CHST8: variants seen among roughly 807,000 people sequenced by gnomAD.
CHST8 encodes GALNAC-4-ST1.
A neutral mutation model predicts 15.0 loss-of-function variants in CHST8; 10 were observed. That is an observed-to-expected ratio of 0.67 (90% confidence interval 0.41 to 1.13). The LOEUF (loss-of-function observed/expected upper bound fraction) is 1.13, where lower values mean the gene tolerates loss of function less well. CHST8 is among the 50% of genes most tolerant of loss of function. CHST8 has a pLI of 0.00. For missense variants in CHST8, 634 were observed against 608.2 expected, an observed-to-expected ratio of 1.04 and a Z score of -0.45; for synonymous variants, 259 against 256.6, an observed-to-expected ratio of 1.01 and a Z score of -0.09.
intron 3 of CHST8, among the ~76,000 whole-genome samples, chr19:33,705,096 G>A (rs751913641): frequency 6.6e-6 from 1 of 152,116 alleles, no homozygotes; most frequent in Non-Finnish European, 1.5e-5. Context: ...CCGTAGGGCT[G>A]AGACCTGCCC....
chr19:33,769,475 G>C (rs531905906), intron 3 of CHST8, among the ~76,000 whole-genome samples: 1 of 152,322 alleles, frequency 6.6e-6, no homozygotes, highest in East Asian at 1.9e-4. Context: ...ATCTGGCAGA[G>C]TAGAGGAAAA....
intron 1 of CHST8, among the ~76,000 whole-genome samples, chr19:33,659,490 G>A (rs551477979): frequency 1.3e-5 from 2 of 152,158 alleles, no homozygotes; most frequent in Admixed American, 1.3e-4. Context: ...GCCAGATTTT[G>A]TCTGTTGAAT....
intron 3 of CHST8, among the ~76,000 whole-genome samples, chr19:33,695,821 CTTTTT>C (rs55695414): frequency 2.6e-5 from 2 of 76,240 alleles, no homozygotes; most frequent in African/African-American, 6.2e-5. Flanking sequence ...TTCTTTCTTT[CTTTTT>C]TTTTTTTTTT....
At chr19:33,651,951 A>G (rs1972454076) in intron 1 of CHST8, among the ~76,000 whole-genome samples, 1 of 151,962 alleles carries the variant, frequency 6.6e-6, no homozygotes, top group Admixed American at 6.6e-5. Flanking sequence ...TATCTTCTAT[A>G]TTCTTAATTT....
intron 1 of CHST8, among the ~76,000 whole-genome samples, chr19:33,644,436 A>G (rs183520687): frequency 2.0e-5 from 3 of 152,164 alleles, no homozygotes; most frequent in Admixed American, 6.5e-5. Context: ...GAACACTAAT[A>G]TACTTAAGTA....
At chr19:33,701,668 CA>C (rs67615616) in intron 3 of CHST8, among the ~76,000 whole-genome samples, 32,772 of 152,120 alleles carry the variant, frequency 0.22, 3,769 homozygotes, top group African/African-American at 0.3. Context: ...CGCAGAGCTC[CA>C]ACGCACGTGT....
intron 2 of CHST8, among the ~76,000 whole-genome samples, chr19:33,687,480 A>G (rs1484299718): frequency 6.6e-6 from 1 of 151,920 alleles, no homozygotes; most frequent in African/African-American, 2.4e-5. Context: ...CCAGCCTGAC[A>G]CCCCGGAGCC....
chr19:33,701,224 G>T (rs958885860), intron 3 of CHST8, among the ~76,000 whole-genome samples: 3 of 152,096 alleles, frequency 2.0e-5, no homozygotes, highest in Non-Finnish European at 4.4e-5. Context: ...GCCATCCTGT[G>T]TCTTCCCAGT....
At chr19:33,670,568 C>T (rs1210619344) in intron 2 of CHST8, among the ~76,000 whole-genome samples, 2 of 152,242 alleles carry the variant, frequency 1.3e-5, no homozygotes, top group Non-Finnish European at 2.9e-5. Context: ...ATCGGCTGCT[C>T]ATTTTCCCTT....
chr19:33,634,677 C>CAAAAAA (rs3040761), intron 1 of CHST8, among the ~76,000 whole-genome samples: 13 of 52,296 alleles, frequency 2.5e-4, no homozygotes, highest in Non-Finnish European at 2.7e-4. Flanking sequence ...GTCACGAAAC[C>CAAAAAA]AAAAAAAAAA....
chr19:33,680,823 A>G (rs964585707), intron 2 of CHST8, among the ~76,000 whole-genome samples: 7 of 152,196 alleles, frequency 4.6e-5, no homozygotes, highest in African/African-American at 1.4e-4. Context: ...ACAACATTAG[A>G]ATTGGCTTCC....
At chr19:33,723,966 C>T (rs143058905) in intron 3 of CHST8, among the ~76,000 whole-genome samples, 2,869 of 152,244 alleles carry the variant, frequency 0.019, 35 homozygotes, top group Non-Finnish European at 0.027. Flanking sequence ...CTTCCCGTGG[C>T]GAAGGGGTGC....
chr19:33,701,927 C>G (rs181042019), intron 3 of CHST8, among the ~76,000 whole-genome samples: 177 of 152,270 alleles, frequency 1.2e-3, no homozygotes, highest in Admixed American at 2.6e-3. Flanking sequence ...CTGTGCTCCC[C>G]CTTCTCTGTC....
chr19:33,740,975 G>T (rs1974176358), intron 3 of CHST8, among the ~76,000 whole-genome samples: 1 of 152,232 alleles, frequency 6.6e-6, no homozygotes, highest in African/African-American at 2.4e-5. Flanking sequence ...AACCCTTAGA[G>T]CGGGGTATCA....
intron 1 of CHST8, among the ~76,000 whole-genome samples, chr19:33,657,258 T>TAC (rs921678883): frequency 6.7e-6 from 1 of 148,230 alleles, no homozygotes; most frequent in Non-Finnish European, 1.5e-5. Context: ...TATACACACA[T>TAC]ACACACACAC....
rs373063859 is a variant in CHST8, at chr19:33,727,754, T to G, written c.130+38363T>G. Among the ~76,000 whole-genome samples the G allele has an allele frequency of 6.4e-4, 98 of 152,354 alleles. 1 individual carries two copies. Among genetic ancestry groups the G allele is most frequent in the African/African-American group, 2.3e-3 (95 of 41,590 alleles). On this transcript the variant is annotated intron_variant, in intron 3 of 4. Transcript: ENST00000650847. The stretch of plus-strand genomic sequence containing the variant: ...TTACCGTGACCAGGTGCCAAGTGGA[T>G]CTGCTCCCTGGAGAAGGCTCCTGCC...
intron 3 of CHST8, among the ~76,000 whole-genome samples, chr19:33,720,234 C>T (rs1186787795): frequency 6.6e-6 from 1 of 151,872 alleles, no homozygotes; most frequent in Non-Finnish European, 1.5e-5. Context: ...ATACACACCC[C>T]ATACCCCATA....
chr19:33,771,841 T>C (rs530588240), intron 4 of CHST8, 116 bp from the exon 5 acceptor site: 3 of 1,258,444 alleles, frequency 2.4e-6, no homozygotes, highest in Non-Finnish European at 3.3e-6. Context: ...AGAGTCAGCC[T>C]GTCTCCCTCA....
intron 2 of CHST8, among the ~76,000 whole-genome samples, chr19:33,677,432 A>G (rs866085691): frequency 5.3e-5 from 8 of 152,336 alleles, no homozygotes; most frequent in Middle Eastern, 6.8e-3. Flanking sequence ...ACTCCCTTGG[A>G]TGTTGTTCAA....
Sources: allele counts gnomAD v4.1 joint callset (sites outside exome capture counted in the v4.1 genomes callset), GRCh38; gene constraint gnomAD v4.1.1; transcripts MANE v1.5; gene names NCBI Gene and HGNC (gene_info 2026-07-23, HGNC 2026-07-21).